PTPN9: variants seen among roughly 807,000 people sequenced by gnomAD.
PTPN9 encodes the protein tyrosine-protein phosphatase non-receptor type 9.
In PTPN9, 26 loss-of-function variants were observed where a neutral mutation model predicts 69.8. The ratio of observed to expected loss-of-function variants is 0.37; its 90% CI spans 0.27 to 0.52. The LOEUF (loss-of-function observed/expected upper bound fraction) is 0.52, where lower values mean the gene tolerates loss of function less well. Among genes scored for constraint, PTPN9 ranks in the 20% least tolerant of loss-of-function variants. PTPN9 has a pLI of 0.91. For synonymous variants in PTPN9, 274 were observed against 272.5 expected (o/e 1.01, Z -0.05); for missense variants, 549 against 740.3 (o/e 0.74, Z 3.00).
chr15:75,495,878 C>A (rs1468341473), intron 7 of PTPN9, among the ~76,000 whole-genome samples: 1 of 152,058 alleles, frequency 6.6e-6, no homozygotes, highest in Non-Finnish European at 1.5e-5. Context: ...TGGCTCATTC[C>A]TGTAATCCCA....
Position 75,516,320 on chromosome 15 carries a change from T to C in PTPN9, c.528+939A>G, listed in dbSNP as rs952281315. Among the ~76,000 whole-genome samples the C allele has an allele frequency of 7.3e-5, 11 of 150,802 alleles. No individual in the cohort carries two copies. In the East Asian group the frequency reaches 1.9e-3, roughly 27 times the overall value. On this transcript the variant is annotated intron_variant, in intron 5 of 12. Transcript: ENST00000618819. Reference sequence around the variant, plus strand: ...TGTTTCTTCTTTTTTTTTTTTTTTTTTGAGACGAAGTCTCACTGTGTCGCC... The same window carrying C: ...TGTTTCTTCTTTTTTTTTTTTTTTTCTGAGACGAAGTCTCACTGTGTCGCC...
intron 1 of PTPN9, among the ~76,000 whole-genome samples, chr15:75,545,241 T>C (rs2075027067): frequency 6.6e-6 from 1 of 152,032 alleles, no homozygotes; most frequent in Non-Finnish European, 1.5e-5. Context: ...ATTTGAACAC[T>C]TGCCAATCTG....
At chr15:75,471,719 A>G (rs1659295153) in intron 10 of PTPN9, among the ~76,000 whole-genome samples, 1 of 151,492 alleles carries the variant, frequency 6.6e-6, no homozygotes, top group South Asian at 2.1e-4. Flanking sequence ...GTTCGAGACT[A>G]GCCTGGCCAA....
chr15:75,530,535 TA>T (rs1207580503), intron 1 of PTPN9, among the ~76,000 whole-genome samples: 2 of 40,678 alleles, frequency 4.9e-5, no homozygotes, highest in Non-Finnish European at 7.3e-5. Flanking sequence ...TATTATATAA[TA>T]TTATTATATT....
chr15:75,527,621 G>A, intron 1 of PTPN9, among the ~76,000 whole-genome samples: 1 of 152,136 alleles, frequency 6.6e-6, no homozygotes. Context: ...GGGAGGTAGA[G>A]GTGGGAGGAT....
chr15:75,558,586 C>G (rs1204236208), intron 1 of PTPN9, among the ~76,000 whole-genome samples: 1 of 152,188 alleles, frequency 6.6e-6, no homozygotes, highest in South Asian at 2.1e-4. Flanking sequence ...CGAGCCGAAG[C>G]TGGACTGTAC....
At chr15:75,552,057 A>T (rs560108699) in intron 1 of PTPN9, among the ~76,000 whole-genome samples, 1 of 151,884 alleles carries the variant, frequency 6.6e-6, no homozygotes, top group East Asian at 1.9e-4. Context: ...AAAAAAAGAA[A>T]AAAGAAAAAA....
At position 75,470,755 on chromosome 15, in the gene PTPN9, G is replaced by T; in HGVS notation, c.1284C>A (p.Phe428Leu). 1 of 1,614,216 alleles carries T rather than the reference G, an allele frequency of 6.2e-7. No individual in the cohort carries two copies. The highest frequency in any genetic ancestry group is 8.5e-7 in the Non-Finnish European group (1 of 1,180,038). The change falls in exon 11 of 13, where the codon TTC (phenylalanine) becomes TTA (leucine). Residue 428 changes from phenylalanine (F) to leucine (L), a missense_variant. Physicochemically the swap from Phe to Leu is conservative, Grantham distance 22. Around this residue, in one of 3 missense-constraint regions of PTPN9, gnomAD observed 457 missense variants for 661.9 expected, o/e 0.69. Transcript: ENST00000618819. ...CCACGCCTAGATTGGTCACTGTGAGGAAGCCAAATCGGATCCGAGAGTCTT... is the reference window on the plus strand; with the variant it reads ...CCACGCCTAGATTGGTCACTGTGAGTAAGCCAAATCGGATCCGAGAGTCTT... ...LEKDSRIRFGFLTVTNLGVEN... is the reference protein window; with the variant it reads ...LEKDSRIRFGLLTVTNLGVEN...
intron 1 of PTPN9, among the ~76,000 whole-genome samples, chr15:75,552,048 A>C (rs1349343786): frequency 1.3e-5 from 2 of 151,270 alleles, no homozygotes; most frequent in Non-Finnish European, 2.9e-5. Context: ...TCTCAAAAAA[A>C]AAAAAGAAAA....
At chr15:75,558,993 G>A (rs1383992744) in intron 1 of PTPN9, among the ~76,000 whole-genome samples, 2 of 151,244 alleles carry the variant, frequency 1.3e-5, no homozygotes, top group Non-Finnish European at 2.9e-5. Flanking sequence ...GCCACCCATC[G>A]TCTGGGATGT....
chr15:75,483,576 T>A (rs373450352), intron 8 of PTPN9, among the ~76,000 whole-genome samples: 3 of 151,958 alleles, frequency 2.0e-5, no homozygotes, highest in African/African-American at 7.3e-5. Flanking sequence ...CTGCCAAGGG[T>A]GTGAGGTTTC....
At chr15:75,530,145 A>T (rs1381085761) in intron 1 of PTPN9, among the ~76,000 whole-genome samples, 4 of 146,054 alleles carry the variant, frequency 2.7e-5, no homozygotes, top group Admixed American at 2.1e-4. Flanking sequence ...GGTTGTAGTG[A>T]GCCAAGATCG....
chr15:75,480,783 G>A (rs1029967026), intron 8 of PTPN9: 35 of 1,091,856 alleles, frequency 3.2e-5, no homozygotes, highest in East Asian at 8.1e-5. Context: ...CGCCGCCCGC[G>A]AGGCAGCGGC....
At chr15:75,480,839 C>G (rs997416627) in intron 8 of PTPN9, 3 of 344,340 alleles carry the variant, frequency 8.7e-6, no homozygotes, top group African/African-American at 6.8e-5. Context: ...AAGGAGCAGC[C>G]GCCTGCCTTG....
In PTPN9 at chr15:75,463,467, A is replaced by T. The variant is rs1425974522; in HGVS notation, c.*5302T>A. ...GACGGACGTGAGCCTGGAGTCTGAG[A>T]GGGGCACTGTACCGTTTTTTCCAAC... On this transcript the variant is annotated 3_prime_UTR_variant, in exon 13 of 13. Transcript: ENST00000618819. 6.6e-6 allele frequency: 1 copy of T among 152,198 alleles called. No individual in the cohort carries two copies. The highest frequency in any genetic ancestry group is 1.9e-4 in the East Asian group (1 of 5,194). 9.4% of individuals were successfully genotyped at this position (152,198 alleles called of 1,614,324 possible).
chr15:75,558,438 C>T (rs536041488), intron 1 of PTPN9, among the ~76,000 whole-genome samples: 4 of 152,250 alleles, frequency 2.6e-5, no homozygotes, highest in South Asian at 2.1e-4. Flanking sequence ...ACCTGGGAGG[C>T]GGAGGTTGCA....
intron 5 of PTPN9, among the ~76,000 whole-genome samples, chr15:75,514,222 C>T (rs1413301699): frequency 1.3e-5 from 2 of 150,366 alleles, no homozygotes; most frequent in African/African-American, 2.4e-5. Flanking sequence ...CTAGTTAGAC[C>T]GCCAGTGTTG....
In PTPN9 at chr15:75,490,463, T is replaced by C. The variant is rs141527408; in HGVS notation, c.969-162A>G. On this transcript the variant is annotated intron_variant, in intron 7 of 12. Coordinates refer to ENST00000618819, the MANE Select transcript of PTPN9 (RefSeq NM_002833.4). ...ACAGTTCCATATCATTTAACATTTT[T>C]TGTGGTAAGTACATACTACTTCTAA... Among the ~76,000 whole-genome samples the C allele has an allele frequency of 3.3e-5, 5 of 152,316 alleles. No individual in the cohort carries two copies. The East Asian group carries it at 9.6e-4, about 29-fold the overall frequency.
intron 10 of PTPN9, among the ~76,000 whole-genome samples, chr15:75,471,609 GAA>G (rs35968452): frequency 9.7e-6 from 1 of 102,782 alleles, no homozygotes. Context: ...TCTCAAAAAA[GAA>G]AAAAAAAAAA....
Sources: allele counts gnomAD v4.1 joint callset (sites outside exome capture counted in the v4.1 genomes callset), GRCh38; gene constraint gnomAD v4.1.1; regional missense constraint gnomAD v4.1.1; transcripts MANE v1.5; gene names NCBI Gene and HGNC (gene_info 2026-07-23, HGNC 2026-07-21).